Variants in BNC2 observed in about 807,000 individuals in gnomAD.
BNC2 encodes zinc finger protein basonuclin-2.
Under a neutral mutation model 76.3 loss-of-function variants are expected in BNC2, and 20 were observed. The observed-to-expected ratio is 0.26, with a 90% CI of 0.18 to 0.38. The LOEUF (loss-of-function observed/expected upper bound fraction) is 0.38, where lower values mean the gene tolerates loss of function less well. Ranked by LOEUF, BNC2 falls within the 10% of genes least tolerant of loss-of-function variation. BNC2 has a pLI of 1.00. For synonymous variants in BNC2, 582 were observed against 514.8 expected (o/e 1.13, Z -1.77); for missense variants, 1,382 against 1,399.8 (o/e 0.99, Z 0.20).
At chr9:16,790,439 G>C (rs1236889038) in intron 1 of BNC2, among the ~76,000 whole-genome samples, 2 of 152,140 alleles carry the variant, frequency 1.3e-5, no homozygotes, top group African/African-American at 4.8e-5. Context: ...TAAAACATCA[G>C]AAACTCTGAG....
At chr9:16,487,554 T>C (rs780400126) in intron 5 of BNC2, among the ~76,000 whole-genome samples, 2 of 152,190 alleles carry the variant, frequency 1.3e-5, no homozygotes, top group Non-Finnish European at 2.9e-5. Context: ...AGCAGAACAA[T>C]ATTAATAGTT....
chr9:16,809,761 T>C (rs1297430520), intron 1 of BNC2, among the ~76,000 whole-genome samples: 3 of 151,914 alleles, frequency 2.0e-5, no homozygotes, highest in African/African-American at 4.8e-5. Context: ...CTGGCGACAG[T>C]GCAAGACTCT....
chr9:16,788,552 CAAAAA>C (rs397960619), intron 1 of BNC2, among the ~76,000 whole-genome samples: 1 of 80,464 alleles, frequency 1.2e-5, no homozygotes, highest in Non-Finnish European at 2.7e-5. Context: ...CACTCCTTCT[CAAAAA>C]AAAAAAAAAA....
At chr9:16,748,941 T>TG (rs1163986929) in intron 1 of BNC2, among the ~76,000 whole-genome samples, 1 of 145,574 alleles carries the variant, frequency 6.9e-6, no homozygotes, top group Admixed American at 6.9e-5. Context: ...TATATATATA[T>TG]ATATATATGA....
chr9:16,553,672 G>C (rs529118711), intron 4 of BNC2, among the ~76,000 whole-genome samples: 102 of 152,142 alleles, frequency 6.7e-4, no homozygotes, highest in Non-Finnish European at 1.3e-3. Context: ...AAAATGAAAA[G>C]TTCAACAATT....
intron 1 of BNC2, among the ~76,000 whole-genome samples, chr9:16,811,852 G>C (rs1251239433): frequency 6.6e-6 from 1 of 152,214 alleles, no homozygotes; most frequent in Non-Finnish European, 1.5e-5. Context: ...TTTCTACAAA[G>C]CTGTCTTGAG....
At chr9:16,544,539 C>T (rs530989964) in intron 5 of BNC2, among the ~76,000 whole-genome samples, 8 of 152,058 alleles carry the variant, frequency 5.3e-5, no homozygotes, top group East Asian at 3.9e-4. Context: ...ATTACTTGGC[C>T]GGGTGCAGTG....
At chr9:16,797,229 C>T (rs749766957) in intron 1 of BNC2, among the ~76,000 whole-genome samples, 1 of 152,008 alleles carries the variant, frequency 6.6e-6, no homozygotes, top group Non-Finnish European at 1.5e-5. Flanking sequence ...GCAAGTTGAA[C>T]TCAGAAAACT....
intron 5 of BNC2, among the ~76,000 whole-genome samples, chr9:16,545,119 T>A (rs923601639): frequency 6.6e-6 from 1 of 152,194 alleles, no homozygotes; most frequent in African/African-American, 2.4e-5. Context: ...AGTACATTCA[T>A]ATGTACATAC....
In BNC2 at chr9:16,650,031, G is replaced by A. The variant is rs546641573; in HGVS notation, c.331-66946C>T. Among the ~76,000 whole-genome samples, 3 of 152,268 alleles carry A rather than the reference G, an allele frequency of 2.0e-5. No individual in the cohort carries two copies. The East Asian group carries it at 5.8e-4, about 29-fold the overall frequency. On this transcript the variant is annotated intron_variant, in intron 3 of 6. Coordinates refer to ENST00000380672, the MANE Select transcript of BNC2 (RefSeq NM_017637.6). ...CATCCAATCTGATAAGCTTAGACCT[G>A]CAGTCAGCACTCAACCCTGGGTGCA...
At chr9:16,573,325 T>G (rs1259905639) in intron 4 of BNC2, among the ~76,000 whole-genome samples, 1 of 152,204 alleles carries the variant, frequency 6.6e-6, no homozygotes, top group East Asian at 1.9e-4. Flanking sequence ...AAAAAAGTGA[T>G]GTTTAAAAAC....
At chr9:16,559,136 G>C (rs1370655486) in intron 4 of BNC2, among the ~76,000 whole-genome samples, 2 of 152,144 alleles carry the variant, frequency 1.3e-5, no homozygotes, top group African/African-American at 4.8e-5. Context: ...GTGAGGAAGA[G>C]TATAAAGAAA....
chr9:16,577,952 G>A (rs1416886037), intron 4 of BNC2, among the ~76,000 whole-genome samples: 5 of 152,128 alleles, frequency 3.3e-5, no homozygotes, highest in African/African-American at 4.8e-5. Context: ...GGTGCGTTAA[G>A]CTATAAAATG....
chr9:16,738,357 T>C lies in BNC2; in HGVS notation c.129+3A>G, dbSNP rs1395385313. ...TAAAGGGGGAAAAAAAAAACCAACA[T>C]ACCTCAATTTGAGATGTATCAACCC... On this transcript the variant is annotated splice_donor_region_variant and intron_variant, in intron 2 of 6. Transcript: ENST00000380672. 6.2e-7 allele frequency: 1 copy of C among 1,613,300 alleles called. No homozygotes were observed. Among genetic ancestry groups the C allele is most frequent in the Non-Finnish European group, 8.5e-7 (1 of 1,179,640 alleles).
At chr9:16,809,228 G>A (rs1817987468) in intron 1 of BNC2, among the ~76,000 whole-genome samples, 2 of 152,142 alleles carry the variant, frequency 1.3e-5, no homozygotes, top group African/African-American at 2.4e-5. Flanking sequence ...TGTTGACAAT[G>A]AGATAAGAGC....
intron 5 of BNC2, among the ~76,000 whole-genome samples, chr9:16,444,799 T>C (rs16934675): frequency 0.074 from 11,300 of 152,248 alleles, 423 homozygotes; most frequent in Middle Eastern, 0.13. Context: ...TCCCGCTATT[T>C]ACCTGTTTTG....
chr9:16,620,561 TCAAAA>T (rs1820837974), intron 3 of BNC2, among the ~76,000 whole-genome samples: 1 of 152,110 alleles, frequency 6.6e-6, no homozygotes, highest in East Asian at 1.9e-4. Context: ...ACATACAGCA[TCAAAA>T]CAAAAGATAT....
intron 5 of BNC2, among the ~76,000 whole-genome samples, chr9:16,469,786 C>T (rs919053787): frequency 3.3e-5 from 5 of 152,030 alleles, no homozygotes; most frequent in South Asian, 2.1e-4. Flanking sequence ...ATTCAGATGA[C>T]GTGGTCTCAG....
In BNC2 at chr9:16,468,038, C is replaced by CTT. The variant is rs1414982362; in HGVS notation, c.670-30515_670-30514insAA. Among the ~76,000 whole-genome samples the CTT allele has an allele frequency of 7.8e-4, 114 of 146,234 alleles. 1 individual carries two copies. Among genetic ancestry groups the CTT allele is most frequent in the African/African-American group, 2.7e-3 (105 of 38,600 alleles). Reference sequence around the variant, plus strand: ...AACTCCTAATCTCATTTCTTTCTTTCTCTTTTTTTTTTTTTTTTTTTGAGA... The same window carrying CTT: ...AACTCCTAATCTCATTTCTTTCTTTCTTTCTTTTTTTTTTTTTTTTTTTGAGA... On this transcript the variant is annotated intron_variant, in intron 5 of 6. Coordinates refer to ENST00000380672, the MANE Select transcript of BNC2 (RefSeq NM_017637.6).
Sources: gnomAD v4.1 joint callset for allele counts (sites outside exome capture counted in the v4.1 genomes callset) on GRCh38, gnomAD v4.1.1 for gene constraint, MANE v1.5 for transcripts, NCBI Gene and HGNC (gene_info 2026-07-23, HGNC 2026-07-21) for gene names.